Variants in SLC6A11 observed in about 807,000 individuals in gnomAD.
SLC6A11 encodes solute carrier family 6 member 11, also known as sodium- and chloride-dependent GABA transporter 3.
A neutral mutation model predicts 74.8 loss-of-function variants in SLC6A11; 25 were observed. The ratio of observed to expected loss-of-function variants is 0.33; its 90% CI spans 0.24 to 0.47. SLC6A11 has a LOEUF of 0.47. Among genes scored for constraint, SLC6A11 ranks in the 20% least tolerant of loss-of-function variants. SLC6A11 has a pLI of 1.00. For missense variants in SLC6A11, 574 were observed against 837.0 expected, an observed-to-expected ratio of 0.69 and a Z score of 3.88; for synonymous variants, 330 against 330.2, an observed-to-expected ratio of 1.00 and a Z score of 0.01.
chr3:10,926,595 C>G lies in SLC6A11; in HGVS notation c.1233+479C>G, dbSNP rs1695610522. Among the ~76,000 whole-genome samples the G allele has an allele frequency of 6.6e-6, 1 of 152,092 alleles. No individual in the cohort carries two copies. The highest frequency in any genetic ancestry group is 1.5e-5 in the Non-Finnish European group (1 of 68,020). On this transcript the variant is annotated intron_variant, in intron 9 of 13. Coordinates refer to ENST00000254488, the MANE Select transcript of SLC6A11 (RefSeq NM_014229.3). The surrounding 1 kb of genome is among the most constrained non-coding windows in gnomAD (Gnocchi z 5.7). Reference sequence around the variant, plus strand: ...TCCATCTCTGTCCTGGATGCCACCACCAGCTCTGCCCCGCCACCGCCTGCC... The same window carrying G: ...TCCATCTCTGTCCTGGATGCCACCAGCAGCTCTGCCCCGCCACCGCCTGCC...
At chr3:10,938,187 A>C in intron 13 of SLC6A11, 63 bp from the exon 14 acceptor site, 1 of 1,482,202 alleles carries the variant, frequency 6.7e-7, no homozygotes, top group South Asian at 1.4e-5. Context: ...GGGAGAGGCC[A>C]CGGCAGACCC....
intron 6 of SLC6A11, among the ~76,000 whole-genome samples, chr3:10,892,346 A>G (rs945461557): frequency 2.0e-5 from 3 of 152,130 alleles, no homozygotes; most frequent in Non-Finnish European, 2.9e-5. Flanking sequence ...GACGTTCCAA[A>G]CAGTAGAGGC....
intron 10 of SLC6A11, among the ~76,000 whole-genome samples, chr3:10,929,590 G>C (rs139633256): frequency 1.3e-5 from 2 of 152,334 alleles, no homozygotes; most frequent in African/African-American, 4.8e-5. Flanking sequence ...ACACTCACCA[G>C]GGGAACGCTG....
chr3:10,855,373 T>C (rs1408903586), intron 5 of SLC6A11, among the ~76,000 whole-genome samples: 1 of 152,206 alleles, frequency 6.6e-6, no homozygotes, highest in Non-Finnish European at 1.5e-5. Context: ...CAGACCCAGA[T>C]TCTCCATCCC....
intron 6 of SLC6A11, among the ~76,000 whole-genome samples, chr3:10,897,677 T>G (rs1695187037): frequency 6.6e-6 from 1 of 152,220 alleles, no homozygotes; most frequent in African/African-American, 2.4e-5. Flanking sequence ...GCTGCTTTCA[T>G]GGGCTGGTGT....
chr3:10,838,892 C>T (rs779701466), intron 4 of SLC6A11, among the ~76,000 whole-genome samples: 4 of 152,152 alleles, frequency 2.6e-5, no homozygotes, highest in Admixed American at 6.5e-5. Flanking sequence ...CAGGTGGTGC[C>T]GAGCACAGTT....
intron 4 of SLC6A11, among the ~76,000 whole-genome samples, chr3:10,841,290 G>A (rs1256937763): frequency 6.6e-6 from 1 of 152,086 alleles, no homozygotes; most frequent in Non-Finnish European, 1.5e-5. Flanking sequence ...ATTTCATGGG[G>A]GAGGCTCATT....
Position 10,939,191 on chromosome 3 carries a change from C to G in SLC6A11, c.*789C>G, listed in dbSNP as rs1316972219. The G allele has an allele frequency of 7.9e-5, 12 of 152,382 alleles. No individual in the cohort carries two copies. The highest frequency in any genetic ancestry group is 2.4e-4 in the African/African-American group (10 of 41,566). 9.4% of individuals were successfully genotyped at this position (152,382 alleles called of 1,614,324 possible). On this transcript the variant is annotated 3_prime_UTR_variant, in exon 14 of 14. Coordinates refer to ENST00000254488, the MANE Select transcript of SLC6A11 (RefSeq NM_014229.3). Reference sequence around the variant, plus strand: ...TCCTCCCCACCTGCTTATTTAAAATCAAGTTTATTGTAGAAATGGTGTGGT... The same window carrying G: ...TCCTCCCCACCTGCTTATTTAAAATGAAGTTTATTGTAGAAATGGTGTGGT...
At chr3:10,865,995 C>T (rs1486887695) in intron 5 of SLC6A11, among the ~76,000 whole-genome samples, 1 of 152,188 alleles carries the variant, frequency 6.6e-6, no homozygotes, top group Non-Finnish European at 1.5e-5. Context: ...ATTTAGCTTC[C>T]ATGTTTGACT....
intron 10 of SLC6A11, among the ~76,000 whole-genome samples, chr3:10,929,596 C>T (rs180885138): frequency 1.5e-4 from 23 of 152,310 alleles, no homozygotes; most frequent in East Asian, 1.3e-3. Context: ...ACCAGGGGAA[C>T]GCTGGGTTGA....
chr3:10,900,077 TG>T (rs1226041437), intron 6 of SLC6A11, among the ~76,000 whole-genome samples: 162 of 152,360 alleles, frequency 1.1e-3, no homozygotes, highest in African/African-American at 3.8e-3. Context: ...GGGGGTTGGA[TG>T]TGCATGTCAC....
chr3:10,929,555 C>T (rs887753102), intron 10 of SLC6A11, among the ~76,000 whole-genome samples: 5 of 152,134 alleles, frequency 3.3e-5, no homozygotes, highest in Non-Finnish European at 4.4e-5. Flanking sequence ...CTAAAGGCCG[C>T]GGCTGTTATT....
intron 5 of SLC6A11, 54 bp downstream of exon 5, chr3:10,844,400 C>G (rs549826535): frequency 6.2e-7 from 1 of 1,609,030 alleles, no homozygotes; most frequent in South Asian, 1.1e-5. Context: ...CACGAGCTCA[C>G]AGATGACCTA....
intron 7 of SLC6A11, among the ~76,000 whole-genome samples, chr3:10,917,033 T>C (rs1208842203): frequency 6.6e-6 from 1 of 152,192 alleles, no homozygotes; most frequent in Non-Finnish European, 1.5e-5. Context: ...GGTGTGTTGT[T>C]GAGAATAGTT....
Position 10,935,069 on chromosome 3 carries a change from A to G in SLC6A11, c.1616A>G (p.Lys539Arg), listed in dbSNP as rs199532465. ...TTCTTGATCAAGTACAAGCCACTCA[A>G]GTACAACAACATCTACACCTACCCA... ...IFFLIKYKPL[K>R]YNNIYTYPAW... is the part of the protein sequence containing the mutation. The change falls in exon 13 of 14, where the codon AAG becomes AGG. Residue 539 changes from lysine to arginine, a missense_variant. Around this residue, in one of 4 missense-constraint regions of SLC6A11, gnomAD observed 257 missense variants for 341.5 expected, o/e 0.75. Coordinates refer to ENST00000254488, the MANE Select transcript of SLC6A11 (RefSeq NM_014229.3). 5.6e-6 allele frequency: 9 copies of G among 1,613,914 alleles called. No homozygotes were observed. The Admixed American group carries it at 1.0e-4, about 18-fold the overall frequency.
intron 9 of SLC6A11, among the ~76,000 whole-genome samples, chr3:10,928,262 A>G (rs978172315): frequency 1.3e-5 from 2 of 152,050 alleles, no homozygotes; most frequent in African/African-American, 4.8e-5. Flanking sequence ...CACAGGAAAT[A>G]GACAGATGAC....
At chr3:10,890,235 A>C (rs558334550) in intron 6 of SLC6A11, among the ~76,000 whole-genome samples, 1 of 152,192 alleles carries the variant, frequency 6.6e-6, no homozygotes, top group African/African-American at 2.4e-5. Flanking sequence ...TGGAGCTTCA[A>C]TTGTGCCAGG....
intron 5 of SLC6A11, among the ~76,000 whole-genome samples, chr3:10,854,702 A>T (rs1694617704): frequency 6.6e-6 from 1 of 152,202 alleles, no homozygotes; most frequent in Non-Finnish European, 1.5e-5. Flanking sequence ...GCGGATGCAG[A>T]TCTGTCTGGT....
intron 9 of SLC6A11, among the ~76,000 whole-genome samples, chr3:10,927,303 C>A (rs967136081): frequency 2.0e-5 from 3 of 152,302 alleles, no homozygotes; most frequent in Admixed American, 6.5e-5. Flanking sequence ...GGGGCCCCGG[C>A]TCGGCGAGTC....
Sources: allele counts gnomAD v4.1 joint callset (sites outside exome capture counted in the v4.1 genomes callset), GRCh38; gene constraint gnomAD v4.1.1; regional missense constraint gnomAD v4.1.1; non-coding constraint Gnocchi (gnomAD v3.1); transcripts MANE v1.5; gene names NCBI Gene and HGNC (gene_info 2026-07-23, HGNC 2026-07-21).